RNASEH2B: variants seen among roughly 807,000 people sequenced by gnomAD.
The protein encoded by RNASEH2B is ribonuclease H2 subunit B, also known as Aicardi-Goutieres syndrome 2 protein.
In RNASEH2B, 36 loss-of-function variants were observed where a neutral mutation model predicts 45.0. The ratio of observed to expected loss-of-function variants is 0.80; its 90% CI spans 0.61 to 1.06. The LOEUF is 1.06. RNASEH2B is among the 50% of genes least tolerant of loss of function. The pLI is 0.00. For missense variants in RNASEH2B, 361 were observed against 360.3 expected, an observed-to-expected ratio of 1.00 and a Z score of -0.02; for synonymous variants, 119 against 125.7, an observed-to-expected ratio of 0.95 and a Z score of 0.35.
intron 4 of RNASEH2B, among the ~76,000 whole-genome samples, chr13:50,933,487 A>G (rs768720832): frequency 6.6e-5 from 10 of 152,248 alleles, no homozygotes; most frequent in Non-Finnish European, 1.0e-4. Flanking sequence ...TTCCTTCTCT[A>G]CATTTTAGAC....
chr13:50,930,110 T>A lies in RNASEH2B; in HGVS notation c.244+528T>A, dbSNP rs1185006616. ...CCCTTAATTTGGGGGCAGTGCTGAC[T>A]AAAGGAAGAGTAGGCCAACGGAACT... On this transcript the variant is annotated intron_variant, in intron 3 of 10. Transcript: ENST00000336617. The A allele has an allele frequency of 2.8e-5, 6 of 217,820 alleles. No homozygotes were observed. The Admixed American group carries it at 3.2e-4, about 11-fold the overall frequency. 13.5% of individuals were successfully genotyped at this position (217,820 alleles called of 1,614,324 possible).
chr13:50,935,040 G>T (rs1329938663), intron 5 of RNASEH2B, 41 bp downstream of exon 5: 1 of 1,314,428 alleles, frequency 7.6e-7, no homozygotes, highest in Non-Finnish European at 1.1e-6. Flanking sequence ...TAGAAAGGAT[G>T]GACCTTGCCT....
intron 9 of RNASEH2B, chr13:50,953,052 T>G (rs748210437): frequency 6.6e-6 from 1 of 152,224 alleles, no homozygotes; most frequent in Admixed American, 6.5e-5. Context: ...TTGGGTCTGG[T>G]CAACCTGGTG....
At position 50,927,718 on chromosome 13, in the gene RNASEH2B, C is replaced by T. The variant is rs190347902; in HGVS notation, c.136+240C>T. 3.9e-5 allele frequency among the ~76,000 whole-genome samples: 6 copies of T among 152,176 alleles called. No homozygotes were observed. In the South Asian group the frequency reaches 1.0e-3, roughly 26 times the overall value. ...CAGAACTGTTCAGCCATCAGAAATA[C>T]GGGCAAAACAAAAAAGTAGCATGTT... is the stretch of plus-strand genomic sequence containing the variant. On this transcript the variant is annotated intron_variant, in intron 2 of 10. Transcript: ENST00000336617.
intron 10 of RNASEH2B, chr13:50,956,095 C>G (rs541917475): frequency 1.5e-5 from 6 of 391,830 alleles, no homozygotes; most frequent in South Asian, 7.9e-5. Flanking sequence ...TTATCTACCC[C>G]CTCCCCAGTG....
chr13:50,956,726 C>T lies in RNASEH2B; in HGVS notation c.*252C>T. The T allele has an allele frequency of 8.3e-7, 1 of 1,211,510 alleles. No homozygotes were observed. The highest frequency in any genetic ancestry group is 1.0e-6 in the Non-Finnish European group (1 of 960,692). The allele number at this position is 1,211,510 out of a possible 1,614,324, so 75.0% of individuals were successfully genotyped here. On this transcript the variant is annotated 3_prime_UTR_variant, in exon 11 of 11. Transcript: ENST00000336617. ...TCACTTGAAGAGAATTAACATATAG[C>T]ATCATGATTTTCTCAATAAACTGAT...
chr13:50,939,683 ATAGT>A (rs1951810756), intron 5 of RNASEH2B, among the ~76,000 whole-genome samples: 1 of 152,308 alleles, frequency 6.6e-6, no homozygotes, highest in East Asian at 1.9e-4. Flanking sequence ...GGGAAAAAGG[ATAGT>A]CTTTACAACA....
chr13:50,909,789 C>T, upstream of RNASEH2B: 1 of 343,136 alleles, frequency 2.9e-6, no homozygotes, highest in East Asian at 5.3e-5. Context: ...TGAGCACCTA[C>T]CACTAGCGGA....
At chr13:50,957,379 G>T (rs1048383573), downstream of RNASEH2B, among the ~76,000 whole-genome samples, 1 of 152,016 alleles carries the variant, frequency 6.6e-6, no homozygotes, top group Admixed American at 6.6e-5. Flanking sequence ...GCATTAATTC[G>T]CTCAGGATAA....
intron 9 of RNASEH2B, chr13:50,951,269 C>T (rs977591612): frequency 3.9e-5 from 6 of 152,174 alleles, no homozygotes; most frequent in Non-Finnish European, 8.8e-5. Flanking sequence ...AAGCGTAGAA[C>T]ATATCTTCTG....
At chr13:50,962,130 A>ATC (rs1298017906) in intron 9 of RNASEH2B, among the ~76,000 whole-genome samples, 1 of 151,920 alleles carries the variant, frequency 6.6e-6, no homozygotes, top group East Asian at 1.9e-4. Context: ...ACTTTTTTGT[A>ATC]TCTCTGTTCA....
rs973691192 is a variant in RNASEH2B at position 50,934,516 on chromosome 13, T to G, written c.322-369T>G. 3 of 319,402 alleles carry G rather than the reference T, an allele frequency of 9.4e-6. No homozygotes were observed. The East Asian group carries it at 2.4e-4, about 25-fold the overall frequency. The allele number at this position is 319,402 out of a possible 1,614,324, so 19.8% of individuals were successfully genotyped here. On this transcript the variant is annotated intron_variant, in intron 4 of 10. Coordinates refer to ENST00000336617, the MANE Select transcript of RNASEH2B (RefSeq NM_024570.4). ...TGTTCCAATGTGACAGTCAGGACTCTTGCTCTGTGACCACAGCTGGTTCTT... is the reference window on the plus strand; with the variant it reads ...TGTTCCAATGTGACAGTCAGGACTCGTGCTCTGTGACCACAGCTGGTTCTT...
At chr13:50,911,450 C>G (rs1011066505) in intron 1 of RNASEH2B, 1 of 152,268 alleles carries the variant, frequency 6.6e-6, no homozygotes, top group Admixed American at 6.5e-5. Flanking sequence ...TTACACTTCT[C>G]AGAGCATTCC....
At chr13:50,917,550 G>A (rs1361985967) in intron 1 of RNASEH2B, among the ~76,000 whole-genome samples, 6 of 152,136 alleles carry the variant, frequency 3.9e-5, no homozygotes, top group African/African-American at 1.2e-4. Flanking sequence ...TCATATAATT[G>A]TATTTGACCC....
Position 50,909,816 on chromosome 13 carries a change from C to T in RNASEH2B, c.-261C>T. 2 of 390,118 alleles carry T rather than the reference C, an allele frequency of 5.1e-6. No individual in the cohort carries two copies. The highest frequency in any genetic ancestry group is 4.6e-5 in the South Asian group (1 of 21,794). 24.2% of individuals were successfully genotyped at this position (390,118 alleles called of 1,614,324 possible). A position where few individuals can be genotyped will look rare whatever the true frequency, so the allele number is the denominator to read the frequency against. On this transcript the variant is annotated 5_prime_UTR_variant, in exon 1 of 11. Transcript: ENST00000336617. The stretch of plus-strand genomic sequence containing the variant: ...ACTAGCGGAGCCGCGAGGGAGAGGC[C>T]GCGGCCCCTTCCCGTTGCCTGCGGC...
In RNASEH2B at chr13:50,951,907, C is replaced by CA. The variant is rs778945479; in HGVS notation, c.742-1996dup. On this transcript the variant is annotated intron_variant, in intron 9 of 10. Transcript: ENST00000336617. ...GTTGTGAGCTATTAAAACACCTGAA[C>CA]AAGTCATTTCTCCAATTAAACATTT... 9.2e-5 allele frequency: 14 copies of CA among 152,234 alleles called. No individual in the cohort carries two copies. In the East Asian group the frequency reaches 1.7e-3, roughly 19 times the overall value. 9.4% of individuals were successfully genotyped at this position (152,234 alleles called of 1,614,324 possible). A position where few individuals can be genotyped will look rare whatever the true frequency, so the allele number is the denominator to read the frequency against.
At chr13:50,955,200 GAT>G (rs1314341421) in intron 10 of RNASEH2B, 1 of 152,158 alleles carries the variant, frequency 6.6e-6, no homozygotes, top group East Asian at 1.9e-4. Flanking sequence ...CCCATCTCAA[GAT>G]AAGTTAACTT....
Position 50,909,845 on chromosome 13 carries a change from C to T in RNASEH2B, c.-232C>T, listed in dbSNP as rs1879228948. 2.4e-6 allele frequency: 1 copy of T among 410,462 alleles called. No homozygotes were observed. The highest frequency in any genetic ancestry group is 4.3e-6 in the Non-Finnish European group (1 of 230,448). The allele number at this position is 410,462 out of a possible 1,614,324, so 25.4% of individuals were successfully genotyped here. A position where few individuals can be genotyped will look rare whatever the true frequency, so the allele number is the denominator to read the frequency against. ...GCCCCTTCCCGTTGCCTGCGGCCAC[C>T]GGCCGGCATTCAGAGCCCCTCGCCT... is the stretch of plus-strand genomic sequence containing the variant. On this transcript the variant is annotated 5_prime_UTR_variant, in exon 1 of 11. Coordinates refer to ENST00000336617, the MANE Select transcript of RNASEH2B (RefSeq NM_024570.4).
chr13:50,922,970 A>G (rs1257948267), intron 1 of RNASEH2B, among the ~76,000 whole-genome samples: 1 of 152,260 alleles, frequency 6.6e-6, no homozygotes, highest in Non-Finnish European at 1.5e-5. Context: ...CACCAGATAG[A>G]GAATATCAAT....
Sources: allele counts gnomAD v4.1 joint callset (sites outside exome capture counted in the v4.1 genomes callset), GRCh38; gene constraint gnomAD v4.1.1; transcripts MANE v1.5; gene names NCBI Gene and HGNC (gene_info 2026-07-23, HGNC 2026-07-21).